The following PRCD variants were observed in gnomAD, a reference collection of about 807,000 sequenced individuals.
The protein encoded by PRCD is photoreceptor disc component.
In PRCD, 12 loss-of-function variants were observed where a neutral mutation model predicts 10.1. The observed-to-expected ratio is 1.18, with a 90% CI of 0.76 to 1.92. PRCD has a LOEUF of 1.92. Among genes scored for constraint, PRCD ranks in the 40% most tolerant of loss-of-function variants. The pLI is 0.00. For missense variants in PRCD, 61 were observed against 72.2 expected, an observed-to-expected ratio of 0.84 and a Z score of 0.56; for synonymous variants, 31 against 26.2, an observed-to-expected ratio of 1.18 and a Z score of -0.56.
At chr17:76,549,081 T>C (rs1021421909), downstream of PRCD, among the ~76,000 whole-genome samples, 2 of 152,200 alleles carry the variant, frequency 1.3e-5, no homozygotes, top group Non-Finnish European at 2.9e-5. Flanking sequence ...AGAAAGGTCC[T>C]TTCAACAGGA....
chr17:76,551,182 A>T (rs1401020346), intron 1 of PRCD: 1 of 152,212 alleles, frequency 6.6e-6, no homozygotes, highest in Non-Finnish European at 1.5e-5. Flanking sequence ...TGCAGAGCAG[A>T]GAAGAGAATG....
At chr17:76,551,687 C>A (rs1413611533) in intron 1 of PRCD, 1 of 152,110 alleles carries the variant, frequency 6.6e-6, no homozygotes, top group African/African-American at 2.4e-5. Flanking sequence ...AGGAAAAAAT[C>A]CTCTATATTT....
intron 2 of PRCD, among the ~76,000 whole-genome samples, chr17:76,541,309 C>A (rs939198447): frequency 2.6e-5 from 4 of 152,206 alleles, no homozygotes; most frequent in Non-Finnish European, 1.5e-5. Context: ...GGAGACCTGT[C>A]TGAAGAGTGA....
intron 1 of PRCD, among the ~76,000 whole-genome samples, chr17:76,534,168 C>CTCTCTT (rs2074887538): frequency 4.1e-5 from 6 of 146,548 alleles, no homozygotes; most frequent in Non-Finnish European, 8.9e-5. Flanking sequence ...CTCTCTCTCT[C>CTCTCTT]TCTCTCTCTT....
chr17:76,535,555 C>G (rs970656287), upstream of PRCD, among the ~76,000 whole-genome samples: 3 of 152,088 alleles, frequency 2.0e-5, no homozygotes, highest in Admixed American at 6.5e-5. Context: ...GGGCTGGGCT[C>G]TAGTCCACAA....
At chr17:76,547,480 T>C (rs891288090), downstream of PRCD, 2 of 152,288 alleles carry the variant, frequency 1.3e-5, no homozygotes, top group African/African-American at 4.8e-5. Context: ...CCAGTCCTTG[T>C]GCCTAAGGAG....
chr17:76,552,385 G>C (rs1468164303), intron 1 of PRCD, among the ~76,000 whole-genome samples: 2 of 151,336 alleles, frequency 1.3e-5, no homozygotes, highest in Non-Finnish European at 2.9e-5. Context: ...ATTTTTAGTA[G>C]AGATGGGGTT....
upstream of PRCD, among the ~76,000 whole-genome samples, chr17:76,539,240 G>A (rs2074958558): frequency 6.6e-6 from 1 of 152,220 alleles, no homozygotes; most frequent in Non-Finnish European, 1.5e-5. Flanking sequence ...CAAAGTTGGT[G>A]TGACCAAGTG....
upstream of PRCD, chr17:76,538,113 C>T (rs2074943564): frequency 6.5e-6 from 1 of 154,182 alleles, no homozygotes; most frequent in Non-Finnish European, 1.4e-5. Flanking sequence ...ACCCTTCCCG[C>T]GGCGGGGAAC....
exon 2 of PRCD, chr17:76,553,311 G>A (rs1006992382): frequency 6.6e-5 from 10 of 152,250 alleles, no homozygotes; most frequent in African/African-American, 2.4e-4. Flanking sequence ...TACCATGTCT[G>A]GTACAGATGA....
chr17:76,528,407 C>T lies in PRCD; in HGVS notation n.45+574C>T. On this transcript the variant is annotated intron_variant and non_coding_transcript_variant, in intron 1 of 4. Coordinates refer to the PRCD transcript ENST00000397633. This position sits in a 1 kb window ranked among gnomAD's most constrained non-coding sequence, Gnocchi z 5.8. ...AGCATCCAGGCAGCCAGCGCCGCCTCCCAGCAGCTCCAGGGGGGGACCCTG... is the reference window on the plus strand; with the variant it reads ...AGCATCCAGGCAGCCAGCGCCGCCTTCCAGCAGCTCCAGGGGGGGACCCTG... 2 of 566,474 alleles carry T rather than the reference C, an allele frequency of 3.5e-6. No individual in the cohort carries two copies. Among genetic ancestry groups the T allele is most frequent in the Non-Finnish European group, 5.4e-6 (2 of 372,408 alleles). 35.1% of individuals were successfully genotyped at this position (566,474 alleles called of 1,614,324 possible). A position where few individuals can be genotyped will look rare whatever the true frequency, so the allele number is the denominator to read the frequency against.
chr17:76,545,048 T>C lies in PRCD; in HGVS notation c.*1398T>C, dbSNP rs2075038716. The C allele has an allele frequency of 2.3e-6, 1 of 441,278 alleles. No individual in the cohort carries two copies. The highest frequency in any genetic ancestry group is 1.6e-5 in the South Asian group (1 of 63,576). The allele number at this position is 441,278 out of a possible 1,614,324, so 27.3% of individuals were successfully genotyped here. A position where few individuals can be genotyped will look rare whatever the true frequency, so the allele number is the denominator to read the frequency against. On this transcript the variant is annotated 3_prime_UTR_variant, in exon 5 of 5. Coordinates refer to ENST00000592014, the MANE Select transcript of PRCD (RefSeq NM_001077620.3). ...GGTTGCCTGGGCAGCTGGGGTGCCA[T>C]GTGGGCCGGGTGGGGGGGCTGTCTC... is the stretch of plus-strand genomic sequence containing the variant.
At position 76,531,163 on chromosome 17, in the gene PRCD, G is replaced by C. The variant is rs1339545047; in HGVS notation, n.45+3330G>C. On this transcript the variant is annotated intron_variant and non_coding_transcript_variant, in intron 1 of 4. Coordinates refer to the PRCD transcript ENST00000397633. This position sits in a 1 kb window ranked among gnomAD's most constrained non-coding sequence, Gnocchi z 7.4. ...AGGATCTGGGGGCAAAGGGAGGAAG[G>C]GGGAGTGAACGCCCGGGCGCCCTGC... 1.2e-6 allele frequency: 2 copies of C among 1,607,088 alleles called. No homozygotes were observed. The highest frequency in any genetic ancestry group is 1.7e-6 in the Non-Finnish European group (2 of 1,175,458).
chr17:76,547,953 TACACACAC>T (rs201737890), downstream of PRCD, among the ~76,000 whole-genome samples: 2 of 149,342 alleles, frequency 1.3e-5, no homozygotes, highest in Non-Finnish European at 3.0e-5. Context: ...CACACACATA[TACACACAC>T]ATACACATAA....
rs1262032340 is a variant in PRCD at position 76,544,674 on chromosome 17, C to T, written c.*1024C>T. 2 of 456,798 alleles carry T rather than the reference C, an allele frequency of 4.4e-6. No individual in the cohort carries two copies. Among genetic ancestry groups the T allele is most frequent in the Admixed American group, 4.7e-5 (2 of 42,594 alleles). The allele number at this position is 456,798 out of a possible 1,614,324, so 28.3% of individuals were successfully genotyped here. ...TTGGAGGCATCGGCCTTCCTGGTGA[C>T]AGGCCTGTCAGGCTGAGGGCCAGAG... On this transcript the variant is annotated 3_prime_UTR_variant, in exon 5 of 5. Coordinates refer to ENST00000592014, the MANE Select transcript of PRCD (RefSeq NM_001077620.3).
rs2074979948 is a variant in PRCD at position 76,540,593 on chromosome 17, T to TG, written c.143+25dup. The TG allele has an allele frequency of 6.2e-7, 1 of 1,611,590 alleles. No homozygotes were observed. Among genetic ancestry groups the TG allele is most frequent in the Non-Finnish European group, 8.5e-7 (1 of 1,178,712 alleles). On this transcript the variant is annotated intron_variant, in intron 2 of 4. Transcript: ENST00000592014. This position sits in a 1 kb window ranked among gnomAD's most constrained non-coding sequence, Gnocchi z 5.0. ...AGGCAGGTAAGGCAGGAGTCTGGGC[T>TG]GGGGGAGGGAGGGTGCTGCCAAGGA...
chr17:76,543,856 T>C lies in PRCD; in HGVS notation c.*206T>C, dbSNP rs1352993280. The C allele has an allele frequency of 2.1e-5, 10 of 470,966 alleles. No individual in the cohort carries two copies. Among genetic ancestry groups the C allele is most frequent in the Non-Finnish European group, 4.0e-5 (9 of 227,060 alleles). The allele number at this position is 470,966 out of a possible 1,614,324, so 29.2% of individuals were successfully genotyped here. ...CTCTGCTGAAATTATCAATAAGAAA[T>C]GCCAGTTGGATCTGTGACATGTCTG... On this transcript the variant is annotated 3_prime_UTR_variant, in exon 5 of 5. Transcript: ENST00000592014.
chr17:76,552,416 G>A (rs990915156), intron 1 of PRCD, among the ~76,000 whole-genome samples: 3 of 151,638 alleles, frequency 2.0e-5, no homozygotes, highest in Non-Finnish European at 2.9e-5. Flanking sequence ...AGCCAGGATG[G>A]TCTCAATCTC....
At chr17:76,535,760 C>T (rs921187838), upstream of PRCD, among the ~76,000 whole-genome samples, 1 of 152,220 alleles carries the variant, frequency 6.6e-6, no homozygotes, top group Non-Finnish European at 1.5e-5. Context: ...TCGTTTCTCC[C>T]TTGGCATCTG....
Sources: allele counts gnomAD v4.1 joint callset (sites outside exome capture counted in the v4.1 genomes callset), GRCh38; gene constraint gnomAD v4.1.1; non-coding constraint Gnocchi (gnomAD v3.1); transcripts MANE v1.5; gene names NCBI Gene and HGNC (gene_info 2026-07-23, HGNC 2026-07-21).